Variants in DLGAP1 observed in about 807,000 individuals in gnomAD.
DLGAP1 encodes the protein disks large-associated protein 1.
DLGAP1 carries 11 observed loss-of-function variants against 90.8 expected under a neutral mutation model. The observed-to-expected ratio is 0.12, with a 90% confidence interval of 0.08 to 0.20. DLGAP1 has a LOEUF of 0.20. DLGAP1 is among the 10% of genes least tolerant of loss of function. The pLI, the probability that DLGAP1 is intolerant of heterozygous loss-of-function variation, is 1.00. For missense variants in DLGAP1, 1,050 were observed against 1,333.8 expected (o/e 0.79, Z 3.31); for synonymous variants, 558 against 540.7 (o/e 1.03, Z -0.44).
intron 9 of DLGAP1, among the ~76,000 whole-genome samples, chr18:3,557,407 A>G (rs2053819690): frequency 6.6e-6 from 1 of 152,116 alleles, no homozygotes; most frequent in Non-Finnish European, 1.5e-5. Flanking sequence ...TTGTAGTCCC[A>G]TCTACTCGGG....
chr18:3,695,651 T>G (rs911910854), intron 7 of DLGAP1, among the ~76,000 whole-genome samples: 2 of 152,216 alleles, frequency 1.3e-5, no homozygotes, highest in Admixed American at 1.3e-4. Flanking sequence ...CCTCCAGCTT[T>G]GTTCTTTTTG....
At chr18:4,263,238 C>T (rs575574431) in intron 1 of DLGAP1, among the ~76,000 whole-genome samples, 1 of 152,144 alleles carries the variant, frequency 6.6e-6, no homozygotes. Flanking sequence ...GGCCTGCCTT[C>T]TATTATTATA....
chr18:3,647,049 G>T (rs950841173), intron 7 of DLGAP1, among the ~76,000 whole-genome samples: 4 of 152,114 alleles, frequency 2.6e-5, no homozygotes, highest in African/African-American at 9.7e-5. Flanking sequence ...AGGAGTTCCA[G>T]ACCAGCCTGA....
intron 1 of DLGAP1, among the ~76,000 whole-genome samples, chr18:4,161,486 T>C (rs990988630): frequency 1.3e-5 from 2 of 152,208 alleles, no homozygotes; most frequent in African/African-American, 2.4e-5. Context: ...CTTTATCCAG[T>C]CTACCATTGA....
At position 4,113,036 on chromosome 18, in the gene DLGAP1, T is replaced by C. The variant is rs375761688; in HGVS notation, c.-159+38144A>G. ...CTGATGGGCAACTAGGTTGAGTCCA[T>C]GTCTTCGCTATTGTAAATAGTGTTG... On this transcript the variant is annotated intron_variant, in intron 2 of 12. Coordinates refer to ENST00000315677, the MANE Select transcript of DLGAP1 (RefSeq NM_004746.4). Among the ~76,000 whole-genome samples, 10 of 151,946 alleles carry C rather than the reference T, an allele frequency of 6.6e-5. No individual in the cohort carries two copies. The East Asian group carries it at 7.7e-4, about 12-fold the overall frequency.
At chr18:4,030,146 C>A (rs1177631268) in intron 2 of DLGAP1, among the ~76,000 whole-genome samples, 1 of 152,170 alleles carries the variant, frequency 6.6e-6, no homozygotes, top group African/African-American at 2.4e-5. Context: ...GCATGTGCAA[C>A]CATGCCTGGT....
chr18:4,112,664 CT>C (rs772674458), intron 2 of DLGAP1, among the ~76,000 whole-genome samples: 2 of 152,032 alleles, frequency 1.3e-5, no homozygotes, highest in Non-Finnish European at 2.9e-5. Context: ...GGTTTGTTAC[CT>C]GGGAATATTG....
intron 2 of DLGAP1, among the ~76,000 whole-genome samples, chr18:4,017,791 T>C (rs1046672507): frequency 6.6e-6 from 1 of 152,132 alleles, no homozygotes; most frequent in African/African-American, 2.4e-5. Flanking sequence ...CAGTTATCAA[T>C]GTTTGCTTTG....
intron 1 of DLGAP1, among the ~76,000 whole-genome samples, chr18:4,379,850 A>G (rs948290267): frequency 1.3e-5 from 2 of 152,220 alleles, no homozygotes; most frequent in South Asian, 4.1e-4. Context: ...TTGAGATCTA[A>G]CAAGAATATT....
At chr18:3,597,962 G>A (rs578223615) in intron 7 of DLGAP1, 23 of 152,726 alleles carry the variant, frequency 1.5e-4, no homozygotes, top group African/African-American at 5.3e-4. Context: ...ACGTATCTGG[G>A]TAACCCGTGT....
chr18:4,120,264 C>T (rs1030334846), intron 2 of DLGAP1, among the ~76,000 whole-genome samples: 2 of 152,196 alleles, frequency 1.3e-5, no homozygotes, highest in Admixed American at 1.3e-4. Flanking sequence ...CTAAATATAT[C>T]AGAGTGCCCA....
At chr18:3,934,912 T>G (rs778707416) in intron 3 of DLGAP1, among the ~76,000 whole-genome samples, 3 of 152,254 alleles carry the variant, frequency 2.0e-5, no homozygotes, top group African/African-American at 7.2e-5. Flanking sequence ...GCACAGGTTT[T>G]AGGACAAAGC....
At chr18:3,648,598 G>A (rs1036244499) in intron 7 of DLGAP1, among the ~76,000 whole-genome samples, 3 of 152,212 alleles carry the variant, frequency 2.0e-5, no homozygotes, top group African/African-American at 7.2e-5. Context: ...AATACTAGAA[G>A]TGGCTTTGAT....
chr18:3,742,085 T>C (rs1374592827), intron 6 of DLGAP1, among the ~76,000 whole-genome samples: 1 of 152,042 alleles, frequency 6.6e-6, no homozygotes, highest in African/African-American at 2.4e-5. Flanking sequence ...TCTAGTGAAT[T>C]TCCAAGGACC....
At chr18:3,658,524 A>AT (rs1168820179) in intron 7 of DLGAP1, among the ~76,000 whole-genome samples, 3 of 152,196 alleles carry the variant, frequency 2.0e-5, no homozygotes, top group African/African-American at 4.8e-5. Flanking sequence ...ATTTGCTATT[A>AT]TTTTTTGCCA....
At chr18:3,523,446 A>G (rs1490092151) in intron 10 of DLGAP1, among the ~76,000 whole-genome samples, 1 of 152,142 alleles carries the variant, frequency 6.6e-6, no homozygotes, top group East Asian at 1.9e-4. Context: ...AATATTTGCA[A>G]ACCACATAAC....
At chr18:4,303,715 G>A (rs1468934787) in intron 1 of DLGAP1, among the ~76,000 whole-genome samples, 2 of 152,166 alleles carry the variant, frequency 1.3e-5, no homozygotes, top group East Asian at 1.9e-4. Context: ...TCCATAATCT[G>A]AATGAACTTC....
intron 5 of DLGAP1, among the ~76,000 whole-genome samples, chr18:3,774,879 A>C (rs1381054949): frequency 2.0e-5 from 3 of 152,006 alleles, no homozygotes; most frequent in Non-Finnish European, 4.4e-5. Flanking sequence ...CATCTGCCTA[A>C]AGTCTGGACC....
At chr18:3,659,456 C>G (rs1275557009) in intron 7 of DLGAP1, among the ~76,000 whole-genome samples, 1 of 146,602 alleles carries the variant, frequency 6.8e-6, no homozygotes, top group African/African-American at 2.6e-5. Flanking sequence ...CCCCCCGCCG[C>G]CCCCACCCCC....
Sources: allele counts gnomAD v4.1 joint callset (sites outside exome capture counted in the v4.1 genomes callset), GRCh38; gene constraint gnomAD v4.1.1; transcripts MANE v1.5; gene names NCBI Gene and HGNC (gene_info 2026-07-23, HGNC 2026-07-21).